The following DCC variants were observed in gnomAD, a reference collection of about 807,000 sequenced individuals.
The protein encoded by DCC is netrin receptor DCC.
DCC carries 58 observed loss-of-function variants against 172.5 expected under a neutral mutation model. The ratio of observed to expected loss-of-function variants is 0.34; its 90% CI spans 0.27 to 0.42. The LOEUF (loss-of-function observed/expected upper bound fraction) is 0.42. Among genes scored for constraint, DCC ranks in the 10% least tolerant of loss-of-function variants. The pLI is 1.00. For missense variants in DCC, 1,740 were observed against 1,791.0 expected (o/e 0.97, Z 0.51); for synonymous variants, 709 against 644.5 (o/e 1.10, Z -1.52).
At chr18:52,469,683 T>C (rs1158598065) in intron 1 of DCC, among the ~76,000 whole-genome samples, 5 of 152,216 alleles carry the variant, frequency 3.3e-5, no homozygotes, top group Non-Finnish European at 7.3e-5. Context: ...CTAATTGTTG[T>C]AACAAACACA....
rs139840688 is a variant in DCC at position 53,060,257 on chromosome 18, C to A, written c.986-3048C>A. 7.8e-3 allele frequency among the ~76,000 whole-genome samples: 1,192 copies of A among 152,200 alleles called. 6 individuals are homozygous for A. Among genetic ancestry groups the A allele is most frequent in the Non-Finnish European group, 0.012 (817 of 67,994 alleles). On this transcript the variant is annotated intron_variant, in intron 5 of 28. Coordinates refer to ENST00000442544, the MANE Select transcript of DCC (RefSeq NM_005215.4). ...CTATGTTGGCCAGGCTGGTCTTGAA[C>A]TCCTGGCCTCTAGGGATCTGCCCAC...
chr18:53,059,237 A>G (rs969862133), intron 5 of DCC, among the ~76,000 whole-genome samples: 3 of 152,118 alleles, frequency 2.0e-5, no homozygotes, highest in African/African-American at 4.8e-5. Context: ...TGTGAAGATT[A>G]TGGGAACTAT....
At position 53,428,651 on chromosome 18, in the gene DCC, A is replaced by T. The variant is rs1373611660; in HGVS notation, c.3164-6493A>T. ...TATATTTTATATAATATATATTTTT[A>T]TATATAATGTATATTTTATATAATA... is the stretch of plus-strand genomic sequence containing the variant. On this transcript the variant is annotated intron_variant, in intron 21 of 28. Coordinates refer to ENST00000442544, the MANE Select transcript of DCC (RefSeq NM_005215.4). Among the ~76,000 whole-genome samples, 61 of 75,332 alleles carry T rather than the reference A, an allele frequency of 8.1e-4. 7 individuals are homozygous for T. The highest frequency in any genetic ancestry group is 2.8e-3 in the African/African-American group (58 of 20,746). The allele number at this position is 75,332 out of a possible 152,430, so 49.4% of individuals were successfully genotyped here. A position where few individuals can be genotyped will look rare whatever the true frequency, so the allele number is the denominator to read the frequency against.
intron 15 of DCC, among the ~76,000 whole-genome samples, chr18:53,355,278 G>T (rs1370918301): frequency 9.0e-6 from 1 of 110,580 alleles, no homozygotes; most frequent in African/African-American, 3.4e-5. Flanking sequence ...GGTTCCATAT[G>T]AACCTTAAAG....
chr18:52,894,651 G>C (rs1261835752), intron 2 of DCC, among the ~76,000 whole-genome samples: 2 of 151,904 alleles, frequency 1.3e-5, no homozygotes, highest in Non-Finnish European at 2.9e-5. Context: ...TGATGGTATA[G>C]TTCCAGTTAG....
At chr18:52,894,396 TAC>T (rs34974743) in intron 2 of DCC, among the ~76,000 whole-genome samples, 71,342 of 148,624 alleles carry the variant, frequency 0.48, 17,413 homozygotes, top group South Asian at 0.7. Context: ...ACAGGACACA[TAC>T]ACACACACAC....
chr18:52,748,160 AG>A (rs1285330348), intron 1 of DCC, among the ~76,000 whole-genome samples: 4 of 152,198 alleles, frequency 2.6e-5, no homozygotes, highest in Non-Finnish European at 2.9e-5. Context: ...CAGCTGCTGC[AG>A]TGCGGCAGGC....
At position 53,257,575 on chromosome 18, in the gene DCC, G is replaced by T. The variant is rs560912726; in HGVS notation, c.1911+41978G>T. On this transcript the variant is annotated intron_variant, in intron 12 of 28. Coordinates refer to ENST00000442544, the MANE Select transcript of DCC (RefSeq NM_005215.4). ...CAGGGATGAAGCCCACTTGATCATA[G>T]TGGATAAGCTTTTTGATGTGCTGCT... is the stretch of plus-strand genomic sequence containing the variant. 3.7e-4 allele frequency among the ~76,000 whole-genome samples: 56 copies of T among 152,338 alleles called. No individual in the cohort carries two copies. The East Asian group carries it at 6.6e-3, about 18-fold the overall frequency.
intron 1 of DCC, among the ~76,000 whole-genome samples, chr18:52,534,613 C>T (rs1033725918): frequency 3.9e-5 from 6 of 152,088 alleles, no homozygotes; most frequent in African/African-American, 1.4e-4. Flanking sequence ...TTCAGAAAGA[C>T]TAACATAGCT....
intron 27 of DCC, among the ~76,000 whole-genome samples, chr18:53,508,534 T>G (rs1455167391): frequency 6.6e-6 from 1 of 152,204 alleles, no homozygotes; most frequent in Admixed American, 6.5e-5. Context: ...AGTATGCTCT[T>G]GAGTCAAAAA....
intron 12 of DCC, among the ~76,000 whole-genome samples, chr18:53,272,838 GA>G (rs1210383584): frequency 1.3e-5 from 2 of 152,070 alleles, no homozygotes; most frequent in Non-Finnish European, 2.9e-5. Flanking sequence ...GATTGTTTCG[GA>G]AAAAGCTGTT....
intron 18 of DCC, among the ~76,000 whole-genome samples, chr18:53,400,827 G>C (rs16956681): frequency 0.021 from 3,268 of 152,068 alleles, 56 homozygotes; most frequent in Admixed American, 0.052. Context: ...TATCCTTTTT[G>C]AATGCGTAAC....
intron 1 of DCC, among the ~76,000 whole-genome samples, chr18:52,643,477 T>C (rs1314512867): frequency 6.6e-6 from 1 of 152,220 alleles, no homozygotes; most frequent in African/African-American, 2.4e-5. Flanking sequence ...CCAGCCCACA[T>C]GATTTTTGCT....
chr18:53,395,769 A>C (rs1297222221), intron 17 of DCC, among the ~76,000 whole-genome samples: 1 of 152,096 alleles, frequency 6.6e-6, no homozygotes, highest in East Asian at 1.9e-4. Flanking sequence ...CAGCCTCCCA[A>C]GGAGCTTGGA....
At chr18:52,907,528 C>T (rs2039907496) in intron 3 of DCC, among the ~76,000 whole-genome samples, 1 of 151,952 alleles carries the variant, frequency 6.6e-6, no homozygotes, top group African/African-American at 2.4e-5. Context: ...GTGTTCCTCC[C>T]ACCTCAGCCT....
chr18:52,794,259 G>A (rs11082945), intron 2 of DCC, among the ~76,000 whole-genome samples: 5,305 of 152,080 alleles, frequency 0.035, 131 homozygotes, highest in Admixed American at 0.048. Context: ...GGGAAGGATG[G>A]CTATTTTAAA....
chr18:52,760,539 A>C (rs1180682893), intron 2 of DCC, among the ~76,000 whole-genome samples: 3 of 152,190 alleles, frequency 2.0e-5, no homozygotes, highest in Admixed American at 2.0e-4. Context: ...AAACCACCAC[A>C]TTTTGGTGTA....
intron 19 of DCC, among the ~76,000 whole-genome samples, chr18:53,406,608 G>A (rs1272894154): frequency 6.6e-6 from 1 of 151,462 alleles, no homozygotes; most frequent in African/African-American, 2.4e-5. Context: ...GGAGGCTGAG[G>A]CAGGATAATT....
intron 27 of DCC, among the ~76,000 whole-genome samples, chr18:53,502,547 G>C (rs556069697): frequency 8.8e-3 from 1,340 of 152,224 alleles, no homozygotes; most frequent in African/African-American, 0.031. Flanking sequence ...CTTTCAACAA[G>C]TTTTGATTCT....
Sources: allele counts gnomAD v4.1 joint callset (sites outside exome capture counted in the v4.1 genomes callset), GRCh38; gene constraint gnomAD v4.1.1; transcripts MANE v1.5; gene names NCBI Gene and HGNC (gene_info 2026-07-23, HGNC 2026-07-21).